HGF: variants seen among roughly 807,000 people sequenced by gnomAD.
HGF encodes hepatocyte growth factor, also known as fibroblast-derived tumor cytotoxic factor.
Under a neutral mutation model 111.6 loss-of-function variants are expected in HGF, and 39 were observed. That is an observed-to-expected ratio of 0.35 (90% confidence interval 0.27 to 0.46). The LOEUF (loss-of-function observed/expected upper bound fraction) is 0.46. Ranked by LOEUF, HGF falls within the 20% of genes least tolerant of loss-of-function variation. The probability of loss-of-function intolerance (pLI) is 1.00; values close to 1 mark genes in which losing one functional copy is unlikely to be tolerated. For synonymous variants in HGF, 285 were observed against 294.8 expected (o/e 0.97, Z 0.34); for missense variants, 735 against 910.5 (o/e 0.81, Z 2.48).
intron 1 of HGF, among the ~76,000 whole-genome samples, chr7:81,768,537 G>C (rs1274213666): frequency 6.6e-6 from 1 of 152,018 alleles, no homozygotes; most frequent in Non-Finnish European, 1.5e-5. Flanking sequence ...CTGCCACCAC[G>C]CCTGGCTAAT....
At chr7:81,762,492 G>A (rs1789135110) in intron 2 of HGF, among the ~76,000 whole-genome samples, 1 of 152,106 alleles carries the variant, frequency 6.6e-6, no homozygotes, top group Non-Finnish European at 1.5e-5. Flanking sequence ...AAGCCACTGT[G>A]GATTTTAGAA....
chr7:81,762,416 A>G (rs1789131465), intron 2 of HGF, among the ~76,000 whole-genome samples: 3 of 152,206 alleles, frequency 2.0e-5, no homozygotes, highest in South Asian at 4.1e-4. Context: ...CCCAAAGCCA[A>G]TTGAATTTCA....
intron 9 of HGF, among the ~76,000 whole-genome samples, chr7:81,724,483 A>T (rs994569392): frequency 6.6e-5 from 10 of 152,228 alleles, no homozygotes; most frequent in African/African-American, 2.4e-4. Context: ...ATCATTTAAA[A>T]AGGATAACTC....
intron 5 of HGF, among the ~76,000 whole-genome samples, chr7:81,748,681 A>AACAAAACAAG (rs1383433335): frequency 1.3e-5 from 2 of 151,862 alleles, no homozygotes; most frequent in African/African-American, 4.8e-5. Context: ...AACAAAACAA[A>AACAAAACAAG]ACAAAACAAA....
At chr7:81,704,374 T>C (rs1006393950) in intron 17 of HGF, among the ~76,000 whole-genome samples, 1 of 151,698 alleles carries the variant, frequency 6.6e-6, no homozygotes, top group Non-Finnish European at 1.5e-5. Flanking sequence ...CGGATGCTTA[T>C]TGCTTTTTCT....
At chr7:81,717,407 C>T (rs1385818386) in intron 10 of HGF, 42 bp from the exon 11 acceptor site, 1 of 1,581,336 alleles carries the variant, frequency 6.3e-7, no homozygotes, top group Non-Finnish European at 8.7e-7. Flanking sequence ...GATGCTCATT[C>T]CATCCAAGAG....
chr7:81,727,581 T>TTA (rs1554367030), intron 8 of HGF, among the ~76,000 whole-genome samples: 1 of 151,772 alleles, frequency 6.6e-6, no homozygotes, highest in Non-Finnish European at 1.5e-5. Context: ...CTTACATTTT[T>TTA]AAAAAAAATC....
chr7:81,760,941 T>C (rs927015410), intron 2 of HGF, among the ~76,000 whole-genome samples: 2 of 152,108 alleles, frequency 1.3e-5, no homozygotes, highest in Admixed American at 6.5e-5. Flanking sequence ...TCCTAGTAAA[T>C]AGAACAAAAG....
At position 81,701,740 on chromosome 7, in the gene HGF, A is replaced by C. The variant is rs1789284970; in HGVS notation, c.*841T>G. 1 of 151,644 alleles carries C rather than the reference A, an allele frequency of 6.6e-6. No individual in the cohort carries two copies. The highest frequency in any genetic ancestry group is 1.5e-5 in the Non-Finnish European group (1 of 67,700). The allele number at this position is 151,644 out of a possible 1,614,324, so 9.4% of individuals were successfully genotyped here. ...CTTTCCTTTAAGAATTAGAAACTAC[A>C]TGAAATAACTAGGATAATGAATACA... is the stretch of plus-strand genomic sequence containing the variant. On this transcript the variant is annotated 3_prime_UTR_variant, in exon 18 of 18. Transcript: ENST00000222390.
At chr7:81,763,651 T>G (rs1382905125) in intron 1 of HGF, among the ~76,000 whole-genome samples, 1 of 152,190 alleles carries the variant, frequency 6.6e-6, no homozygotes, top group Non-Finnish European at 1.5e-5. Flanking sequence ...ACTTTAGTGT[T>G]TCAAAAACTT....
chr7:81,713,979 G>GGT (rs1277268424), intron 11 of HGF, among the ~76,000 whole-genome samples: 2 of 131,438 alleles, frequency 1.5e-5, no homozygotes, highest in East Asian at 2.3e-4. Flanking sequence ...GAAGGGTAGG[G>GGT]GTGTGTGTGC....
intron 9 of HGF, among the ~76,000 whole-genome samples, chr7:81,723,839 T>C (rs1157670785): frequency 6.6e-6 from 1 of 150,948 alleles, no homozygotes; most frequent in East Asian, 1.9e-4. Context: ...TATATACACA[T>C]ATATATATAT....
intron 5 of HGF, among the ~76,000 whole-genome samples, chr7:81,745,368 GCTGT>G (rs1337170708): frequency 1.3e-5 from 2 of 152,226 alleles, no homozygotes; most frequent in African/African-American, 2.4e-5. Flanking sequence ...GGGCCACGAC[GCTGT>G]CTATCTATTT....
intron 2 of HGF, among the ~76,000 whole-genome samples, chr7:81,761,619 A>G (rs1366381927): frequency 6.6e-6 from 1 of 152,082 alleles, no homozygotes; most frequent in African/African-American, 2.4e-5. Flanking sequence ...AAGATAATGA[A>G]GAACTAAAAA....
intron 11 of HGF, among the ~76,000 whole-genome samples, chr7:81,711,767 C>T (rs1562874149): frequency 1.3e-5 from 2 of 152,092 alleles, no homozygotes; most frequent in Admixed American, 1.3e-4. Context: ...ACTCAGCCTC[C>T]CAAGTAGCTG....
chr7:81,706,232 T>A (rs1789422407), intron 15 of HGF, 55 bp downstream of exon 15: 1 of 1,531,818 alleles, frequency 6.5e-7, no homozygotes, highest in African/African-American at 1.4e-5. Flanking sequence ...CTGAAGAAAA[T>A]GCTCCAACAA....
intron 17 of HGF, among the ~76,000 whole-genome samples, chr7:81,703,006 T>G (rs1789326793): frequency 6.6e-6 from 1 of 151,704 alleles, no homozygotes; most frequent in Non-Finnish European, 1.5e-5. Flanking sequence ...ATGACTTGCC[T>G]TTTCCAAAAG....
chr7:81,710,801 G>T (rs543453312), intron 12 of HGF, among the ~76,000 whole-genome samples: 4 of 151,980 alleles, frequency 2.6e-5, no homozygotes, highest in African/African-American at 9.7e-5. Flanking sequence ...AAATTTATTG[G>T]AGTAAATGTT....
chr7:81,758,558 G>T (rs1788897605), intron 3 of HGF, 134 bp downstream of exon 3: 1 of 650,238 alleles, frequency 1.5e-6, no homozygotes, highest in Non-Finnish European at 2.8e-6. Flanking sequence ...TGTCTTAATG[G>T]ATGAATTGAC....
Sources: gnomAD v4.1 joint callset for allele counts (sites outside exome capture counted in the v4.1 genomes callset) on GRCh38, gnomAD v4.1.1 for gene constraint, MANE v1.5 for transcripts, NCBI Gene and HGNC (gene_info 2026-07-23, HGNC 2026-07-21) for gene names.